PTPRT: variants seen among roughly 807,000 people sequenced by gnomAD.
The protein encoded by PTPRT is protein tyrosine phosphatase receptor type T.
In PTPRT, 56 loss-of-function variants were observed where a neutral mutation model predicts 176.8. The ratio of observed to expected loss-of-function variants is 0.32; its 90% confidence interval spans 0.26 to 0.40. The LOEUF is 0.40. Among genes scored for constraint, PTPRT ranks in the 10% least tolerant of loss-of-function variants. The pLI, the probability that PTPRT is intolerant of heterozygous loss-of-function variation, is 1.00. For synonymous variants in PTPRT, 783 were observed against 739.0 expected (o/e 1.06, Z -0.96); for missense variants, 1,540 against 1,908.2 (o/e 0.81, Z 3.60).
intron 9 of PTPRT, among the ~76,000 whole-genome samples, chr20:42,359,794 C>T (rs553553883): frequency 1.1e-3 from 160 of 152,328 alleles, no homozygotes; most frequent in South Asian, 2.3e-3. Context: ...GGGGCCTGCC[C>T]GGGCTGCACA....
At chr20:43,002,539 A>G (rs534021958) in intron 1 of PTPRT, among the ~76,000 whole-genome samples, 7 of 152,318 alleles carry the variant, frequency 4.6e-5, no homozygotes, top group Admixed American at 4.6e-4. Flanking sequence ...AATAATACAG[A>G]TTACAGTCTC....
At chr20:42,350,227 T>TGTTTTGTTTTG (rs1175946910) in intron 11 of PTPRT, among the ~76,000 whole-genome samples, 64 of 115,236 alleles carry the variant, frequency 5.6e-4, no homozygotes, top group African/African-American at 2.5e-3. Context: ...TTTTTTTTTT[T>TGTTTTGTTTTG]TTTTTTTTTT....
At chr20:43,039,030 C>T (rs563527428) in intron 1 of PTPRT, among the ~76,000 whole-genome samples, 110 of 152,250 alleles carry the variant, frequency 7.2e-4, no homozygotes, top group Non-Finnish European at 1.3e-3. Context: ...ATAAATCCAA[C>T]GCAGAGCCAA....
At chr20:42,399,590 G>C (rs975071328) in intron 9 of PTPRT, among the ~76,000 whole-genome samples, 1 of 152,156 alleles carries the variant, frequency 6.6e-6, no homozygotes, top group African/African-American at 2.4e-5. Context: ...TAACTCTTTT[G>C]GTAAATCCCT....
intron 7 of PTPRT, among the ~76,000 whole-genome samples, chr20:42,586,407 T>C (rs1314550680): frequency 6.6e-6 from 1 of 152,220 alleles, no homozygotes; most frequent in African/African-American, 2.4e-5. Context: ...AAGCAGTTTA[T>C]GGTCAGGTTC....
chr20:42,507,658 T>C lies in PTPRT; in HGVS notation c.1154-35096A>G, dbSNP rs74167784. 5.7e-3 allele frequency among the ~76,000 whole-genome samples: 867 copies of C among 152,114 alleles called. 7 individuals carry two copies. Among genetic ancestry groups the C allele is most frequent in the Non-Finnish European group, 8.4e-3 (571 of 67,968 alleles). ...GCGGTTGAGTCTTAACAAATATTAG[T>C]TCAATCCTGTCTGCATTTTGTTCCT... On this transcript the variant is annotated intron_variant, in intron 7 of 30. Coordinates refer to ENST00000373187, the MANE Select transcript of PTPRT (RefSeq NM_007050.6).
intron 7 of PTPRT, among the ~76,000 whole-genome samples, chr20:42,500,139 G>T (rs2071726438): frequency 6.6e-6 from 1 of 151,564 alleles, no homozygotes; most frequent in Non-Finnish European, 1.5e-5. Flanking sequence ...TTTTTCACTT[G>T]TTTTGATATA....
intron 9 of PTPRT, among the ~76,000 whole-genome samples, chr20:42,426,505 T>C (rs2059165419): frequency 6.6e-6 from 1 of 152,202 alleles, no homozygotes; most frequent in African/African-American, 2.4e-5. Context: ...TTCAAGTCCA[T>C]GTGTGAACTG....
intron 7 of PTPRT, among the ~76,000 whole-genome samples, chr20:42,524,795 C>CTTTT (rs1325202413): frequency 6.6e-6 from 1 of 151,814 alleles, no homozygotes; most frequent in East Asian, 1.9e-4. Context: ...TCATGTTTTC[C>CTTTT]TTTTTTTTCT....
intron 7 of PTPRT, among the ~76,000 whole-genome samples, chr20:42,624,008 C>CAAAAAAAAAAAAAAAAAAAAA (rs2074247421): frequency 8.6e-6 from 1 of 116,752 alleles, no homozygotes; most frequent in African/African-American, 3.5e-5. Context: ...ACAATAGCAA[C>CAAAAAAAAAAAAAAAAAAAAA]AAACAAACAA....
At chr20:42,750,578 C>T (rs559437650) in intron 6 of PTPRT, among the ~76,000 whole-genome samples, 15 of 152,298 alleles carry the variant, frequency 9.8e-5, no homozygotes, top group Non-Finnish European at 1.8e-4. Context: ...GTGTTTAAAT[C>T]GGAACCTCTA....
chr20:42,255,175 T>C (rs1460388644), intron 13 of PTPRT, among the ~76,000 whole-genome samples: 3 of 152,166 alleles, frequency 2.0e-5, no homozygotes, highest in South Asian at 2.1e-4. Flanking sequence ...GTCAAAAGCA[T>C]TGGGTTTCAC....
At chr20:42,051,195 C>G in the PTPRT span, among the ~76,000 whole-genome samples, 3 of 152,152 alleles carry the variant, frequency 2.0e-5, no homozygotes, top group African/African-American at 7.2e-5. Context: ...GTGGTCATCG[C>G]CTGGATTCTT....
At chr20:42,696,811 GAGC>G (rs2075887093) in intron 6 of PTPRT, among the ~76,000 whole-genome samples, 1 of 152,042 alleles carries the variant, frequency 6.6e-6, no homozygotes, top group African/African-American at 2.4e-5. Context: ...GCGAGCTTGG[GAGC>G]AGATCCTATC....
chr20:42,979,158 C>CTAATT (rs1177909217), intron 1 of PTPRT, among the ~76,000 whole-genome samples: 3 of 152,044 alleles, frequency 2.0e-5, no homozygotes, highest in African/African-American at 7.2e-5. Flanking sequence ...AAAAGGAAAG[C>CTAATT]TAATTTTTTT....
At chr20:42,644,531 AT>A (rs1477080851) in intron 7 of PTPRT, among the ~76,000 whole-genome samples, 3 of 152,050 alleles carry the variant, frequency 2.0e-5, no homozygotes, top group Non-Finnish European at 4.4e-5. Flanking sequence ...TGCATCTTGT[AT>A]TTGGGCACAG....
At chr20:43,017,400 G>C (rs11697329) in intron 1 of PTPRT, among the ~76,000 whole-genome samples, 3,002 of 151,720 alleles carry the variant, frequency 0.02, 41 homozygotes, top group Non-Finnish European at 0.029. Flanking sequence ...CCGCCCAATC[G>C]CATCTCCCTC....
At chr20:42,465,930 A>C (rs1461052265) in intron 8 of PTPRT, among the ~76,000 whole-genome samples, 1 of 151,856 alleles carries the variant, frequency 6.6e-6, no homozygotes, top group Non-Finnish European at 1.5e-5. Flanking sequence ...CTCCCTCCCC[A>C]CACTCCCCCA....
At chr20:42,146,726 T>G (rs1988885847) in intron 17 of PTPRT, among the ~76,000 whole-genome samples, 1 of 152,224 alleles carries the variant, frequency 6.6e-6, no homozygotes, top group Admixed American at 6.5e-5. Context: ...CTTTCTAAAA[T>G]GTGAATAGGA....
Sources: allele counts gnomAD v4.1 joint callset (sites outside exome capture counted in the v4.1 genomes callset), GRCh38; gene constraint gnomAD v4.1.1; transcripts MANE v1.5; gene names NCBI Gene and HGNC (gene_info 2026-07-23, HGNC 2026-07-21).